CADPS2: variants seen among roughly 807,000 people sequenced by gnomAD.
CADPS2 encodes calcium-dependent secretion activator 2.
In CADPS2, 93 loss-of-function variants were observed where a neutral mutation model predicts 172.5. The observed-to-expected ratio is 0.54, with a 90% confidence interval of 0.46 to 0.64. The LOEUF (loss-of-function observed/expected upper bound fraction) is 0.64, where lower values mean the gene tolerates loss of function less well. CADPS2 is among the 30% of genes least tolerant of loss of function. The pLI is 0.00. For missense variants in CADPS2, 1,420 were observed against 1,565.9 expected, an observed-to-expected ratio of 0.91 and a Z score of 1.57; for synonymous variants, 546 against 555.2, an observed-to-expected ratio of 0.98 and a Z score of 0.23.
chr7:122,825,667 T>C (rs570195375), intron 1 of CADPS2, among the ~76,000 whole-genome samples: 11 of 152,212 alleles, frequency 7.2e-5, no homozygotes, highest in Non-Finnish European at 1.0e-4. Flanking sequence ...AATTTTTATC[T>C]TTACATTCTT....
intron 19 of CADPS2, among the ~76,000 whole-genome samples, chr7:122,409,865 C>T (rs988656822): frequency 6.6e-6 from 1 of 152,082 alleles, no homozygotes; most frequent in Non-Finnish European, 1.5e-5. Flanking sequence ...AGAAAACCTC[C>T]CTCAGAAATG....
intron 20 of CADPS2, among the ~76,000 whole-genome samples, chr7:122,400,798 T>C (rs1384067695): frequency 6.6e-6 from 1 of 152,230 alleles, no homozygotes; most frequent in Non-Finnish European, 1.5e-5. Flanking sequence ...AATTCGTGAA[T>C]TTCAGATGAA....
chr7:122,812,493 C>T (rs1800264939), intron 1 of CADPS2, among the ~76,000 whole-genome samples: 1 of 151,206 alleles, frequency 6.6e-6, no homozygotes, highest in South Asian at 2.1e-4. Context: ...CAGCAGCTAG[C>T]CCAGGACCTG....
At chr7:122,817,618 T>C (rs1416607150) in intron 1 of CADPS2, among the ~76,000 whole-genome samples, 1 of 152,032 alleles carries the variant, frequency 6.6e-6, no homozygotes, top group African/African-American at 2.4e-5. Context: ...CCTTCACCCT[T>C]AGTGGCAAGT....
At chr7:122,477,036 AGG>A (rs1563448519) in intron 12 of CADPS2, among the ~76,000 whole-genome samples, 3 of 81,446 alleles carry the variant, frequency 3.7e-5, no homozygotes, top group East Asian at 8.7e-4. Context: ...AGGAGAGGAG[AGG>A]AGAGGAGAGA....
intron 3 of CADPS2, among the ~76,000 whole-genome samples, chr7:122,638,328 C>T (rs182381815): frequency 7.9e-5 from 12 of 152,258 alleles, no homozygotes; most frequent in East Asian, 3.9e-4. Flanking sequence ...GTCCTCCCCA[C>T]CCCCTGCTTG....
chr7:122,741,045 A>G (rs1330410768), intron 1 of CADPS2, among the ~76,000 whole-genome samples: 1 of 152,194 alleles, frequency 6.6e-6, no homozygotes, highest in Non-Finnish European at 1.5e-5. Context: ...AAGGTTATTT[A>G]CCACATAATT....
chr7:122,326,463 G>A (rs2150746459), intron 28 of CADPS2, among the ~76,000 whole-genome samples: 1 of 152,166 alleles, frequency 6.6e-6, no homozygotes, highest in East Asian at 1.9e-4. Flanking sequence ...AAGGGACACA[G>A]TGATTCAGAG....
intron 3 of CADPS2, among the ~76,000 whole-genome samples, chr7:122,642,730 A>T (rs2077814113): frequency 1.3e-5 from 2 of 152,154 alleles, no homozygotes; most frequent in Non-Finnish European, 2.9e-5. Flanking sequence ...CTCTAGAACC[A>T]AGATAAATGT....
At chr7:122,541,838 T>TA (rs1260497207) in intron 8 of CADPS2, among the ~76,000 whole-genome samples, 6 of 88,478 alleles carry the variant, frequency 6.8e-5, no homozygotes, top group African/African-American at 1.6e-4. Flanking sequence ...TATTCATATG[T>TA]TTATATATTC....
At chr7:122,356,920 G>C (rs745581487) in intron 27 of CADPS2, among the ~76,000 whole-genome samples, 2 of 152,158 alleles carry the variant, frequency 1.3e-5, no homozygotes, top group East Asian at 1.9e-4. Context: ...ATGAGCCCTG[G>C]TTCATTTCAT....
Position 122,706,236 on chromosome 7 carries a change from C to T in CADPS2, c.453+30719G>A, listed in dbSNP as rs577830849. On this transcript the variant is annotated intron_variant, in intron 2 of 29. Coordinates refer to ENST00000449022, the MANE Select transcript of CADPS2 (RefSeq NM_017954.11). The stretch of plus-strand genomic sequence containing the variant: ...TATATGCTTATATATTCAAGGAATA[C>T]ATATATGCTTATATATTCAAGGAAT... 5.5e-3 allele frequency among the ~76,000 whole-genome samples: 101 copies of T among 18,296 alleles called. 6 individuals carry two copies. The highest frequency in any genetic ancestry group is 0.016 in the African/African-American group (81 of 4,978). The allele number at this position is 18,296 out of a possible 152,430, so 12.0% of individuals were successfully genotyped here. A position where few individuals can be genotyped will look rare whatever the true frequency, so the allele number is the denominator to read the frequency against.
intron 1 of CADPS2, among the ~76,000 whole-genome samples, chr7:122,839,592 A>C (rs1233355068): frequency 1.3e-5 from 2 of 152,210 alleles, no homozygotes; most frequent in Admixed American, 6.5e-5. Context: ...GGAAAAAAAC[A>C]AACAACCCCA....
At chr7:122,479,892 G>A (rs1198455296) in intron 12 of CADPS2, among the ~76,000 whole-genome samples, 1 of 152,024 alleles carries the variant, frequency 6.6e-6, no homozygotes, top group African/African-American at 2.4e-5. Context: ...ACAGATGGCA[G>A]CTTTTCTGGT....
At chr7:122,823,922 G>A (rs1453996272) in intron 1 of CADPS2, among the ~76,000 whole-genome samples, 3 of 151,926 alleles carry the variant, frequency 2.0e-5, no homozygotes, top group Non-Finnish European at 4.4e-5. Context: ...AAAGCTCACT[G>A]GGAGTTCTAC....
intron 1 of CADPS2, among the ~76,000 whole-genome samples, chr7:122,764,723 T>C (rs987956021): frequency 1.3e-5 from 2 of 151,978 alleles, no homozygotes; most frequent in African/African-American, 4.8e-5. Flanking sequence ...ATTCAAATAA[T>C]ATCAGTGGGA....
At chr7:122,514,379 G>T (rs2060205142) in intron 8 of CADPS2, among the ~76,000 whole-genome samples, 1 of 151,980 alleles carries the variant, frequency 6.6e-6, no homozygotes, top group Admixed American at 6.6e-5. Context: ...AAGATTTTTA[G>T]ACTTTCACAA....
At chr7:122,641,255 T>C (rs1029139659) in intron 3 of CADPS2, among the ~76,000 whole-genome samples, 1 of 152,220 alleles carries the variant, frequency 6.6e-6, no homozygotes, top group African/African-American at 2.4e-5. Flanking sequence ...TCTGCAATGC[T>C]TCTAGTTTCT....
rs529905471 is a variant in CADPS2, at chr7:122,754,697, A to C, written c.340-17629T>G. 3.9e-5 allele frequency among the ~76,000 whole-genome samples: 6 copies of C among 152,290 alleles called. No homozygotes were observed. In the South Asian group the frequency reaches 1.2e-3, roughly 32 times the overall value. ...CACCAAGTTGGCCAGGTTGGTCTCA[A>C]ACTCCTGACTCAGGGGATCTGCCTG... On this transcript the variant is annotated intron_variant, in intron 1 of 29. Coordinates refer to ENST00000449022, the MANE Select transcript of CADPS2 (RefSeq NM_017954.11).
Sources: gnomAD v4.1 joint callset for allele counts (sites outside exome capture counted in the v4.1 genomes callset) on GRCh38, gnomAD v4.1.1 for gene constraint, MANE v1.5 for transcripts, NCBI Gene and HGNC (gene_info 2026-07-23, HGNC 2026-07-21) for gene names.